Variants in PHF2 observed in about 807,000 individuals in gnomAD.
The protein encoded by PHF2 is lysine-specific demethylase PHF2.
PHF2 carries 27 observed loss-of-function variants against 120.5 expected under a neutral mutation model. That is an observed-to-expected ratio of 0.22 (90% CI 0.17 to 0.31). The LOEUF is 0.31. Among genes scored for constraint, PHF2 ranks in the 10% least tolerant of loss-of-function variants. The pLI, the probability that PHF2 is intolerant of heterozygous loss-of-function variation, is 1.00. For synonymous variants in PHF2, 568 were observed against 592.5 expected, an observed-to-expected ratio of 0.96 and a Z score of 0.60; for missense variants, 1,024 against 1,434.8, an observed-to-expected ratio of 0.71 and a Z score of 4.63.
Position 93,671,239 on chromosome 9 carries a change from G to A in PHF2, c.2349-2346G>A, listed in dbSNP as rs934362671. ...GTGTAGTTGCAGGTGTGTGGGAGTAGGCACAGGTGTAGATGCAGGTGCGGG... is the reference window on the plus strand; with the variant it reads ...GTGTAGTTGCAGGTGTGTGGGAGTAAGCACAGGTGTAGATGCAGGTGCGGG... On this transcript the variant is annotated intron_variant, in intron 17 of 21. Transcript: ENST00000359246. The A allele has an allele frequency of 2.0e-4, 193 of 949,466 alleles. 12 individuals are homozygous for A. The highest frequency in any genetic ancestry group is 1.0e-3 in the Admixed American group (16 of 15,312). The allele number at this position is 949,466 out of a possible 1,614,324, so 58.8% of individuals were successfully genotyped here.
chr9:93,665,907 C>A, intron 15 of PHF2, 43 bp downstream of exon 15: 1 of 1,612,244 alleles, frequency 6.2e-7, no homozygotes, highest in Non-Finnish European at 8.5e-7. Flanking sequence ...TGGGAGAGGC[C>A]CATCCTGCCC....
At chr9:93,621,284 G>T (rs1825821708) in intron 1 of PHF2, among the ~76,000 whole-genome samples, 1 of 152,264 alleles carries the variant, frequency 6.6e-6, no homozygotes, top group Non-Finnish European at 1.5e-5. Flanking sequence ...GGTGGTGAGG[G>T]GGTGCTGAGG....
At chr9:93,594,096 C>G (rs1825285037) in intron 1 of PHF2, among the ~76,000 whole-genome samples, 1 of 152,186 alleles carries the variant, frequency 6.6e-6, no homozygotes, top group African/African-American at 2.4e-5. Context: ...GCAATTGGCC[C>G]CAGGCCTCCC....
Position 93,656,046 on chromosome 9 carries a change from C to T in PHF2, c.1040+25C>T. The T allele has an allele frequency of 6.3e-7, 1 of 1,593,840 alleles. No individual in the cohort carries two copies. Among genetic ancestry groups the T allele is most frequent in the Non-Finnish European group, 8.6e-7 (1 of 1,167,118 alleles). On this transcript the variant is annotated intron_variant, in intron 8 of 21. Coordinates refer to ENST00000359246, the MANE Select transcript of PHF2 (RefSeq NM_005392.4). This position sits in a 1 kb window ranked among gnomAD's most constrained non-coding sequence, Gnocchi z 4.1. ...GGTAGTGCCTGCCGCGCTGTCTGCC[C>T]TCGGGCTCCGCAGAGCAGCGTCCTC... is the stretch of plus-strand genomic sequence containing the variant.
rs956429427 is a variant in PHF2, at chr9:93,656,534, G to C, written c.1086G>C (p.Gln362His). 4.3e-6 allele frequency: 7 copies of C among 1,613,818 alleles called. No homozygotes were observed. In the African/African-American group the frequency reaches 9.3e-5, roughly 22 times the overall value. ...ERRLKLGSLT[Q>H]FPNFETACWY... ...GGTTGAAACTGGGCAGCCTGACTCA[G>C]TTTCCCAACTTTGAAACTGCGTGCT... Residue 362 changes from glutamine to histidine, a missense_variant, in exon 9 of 22, where the codon CAG (glutamine) becomes CAC (histidine). Physicochemically the swap from Gln to His is conservative, Grantham distance 24. Coordinates refer to ENST00000359246, the MANE Select transcript of PHF2 (RefSeq NM_005392.4). This position sits in a 1 kb window ranked among gnomAD's most constrained non-coding sequence, Gnocchi z 4.1.
At chr9:93,655,427 T>A (rs1328284296) in intron 7 of PHF2, among the ~76,000 whole-genome samples, 1 of 152,186 alleles carries the variant, frequency 6.6e-6, no homozygotes, top group Non-Finnish European at 1.5e-5. Flanking sequence ...AGTTGTGGAT[T>A]TCCCAGGGTC....
chr9:93,624,826 GTGA>G (rs1199253164), intron 1 of PHF2, among the ~76,000 whole-genome samples: 87 of 150,924 alleles, frequency 5.8e-4, no homozygotes, highest in African/African-American at 1.5e-3. Context: ...GATGATGATG[GTGA>G]TGATGATGAT....
chr9:93,610,115 A>C lies in PHF2; in HGVS notation c.99-19855A>C, dbSNP rs113805186. Among the ~76,000 whole-genome samples the C allele has an allele frequency of 8.8e-3, 1,331 of 151,554 alleles. 9 individuals are homozygous for C. Among genetic ancestry groups the C allele is most frequent in the Non-Finnish European group, 0.015 (993 of 67,900 alleles). On this transcript the variant is annotated intron_variant, in intron 1 of 21. Transcript: ENST00000359246. ...CTTATATCCTGCTTGGTATCTTTTG[A>C]GCTTCCTGGATCTGTGGTTTGCTTG... is the stretch of plus-strand genomic sequence containing the variant.
At chr9:93,645,921 A>T in intron 4 of PHF2, 132 bp downstream of exon 4, 13 of 1,016,150 alleles carry the variant, frequency 1.3e-5, no homozygotes, top group Non-Finnish European at 1.8e-5. Context: ...CTCAAGGCTC[A>T]CCGTACTCTG....
intron 17 of PHF2, among the ~76,000 whole-genome samples, chr9:93,668,482 C>A (rs1401309396): frequency 6.6e-6 from 1 of 152,020 alleles, no homozygotes; most frequent in Non-Finnish European, 1.5e-5. Flanking sequence ...TCCCGAGGTC[C>A]ATGGAGAGGC....
Position 93,645,671 on chromosome 9 carries a change from G to T in PHF2, c.342G>T (p.Thr114=), listed in dbSNP as rs35505758. Reference sequence around the variant, plus strand: ...CCCGTGTGCCAGGAAGTCAGCTCACGCTGGGCTACATGGAGGAGCACGGCT... The same window carrying T: ...CCCGTGTGCCAGGAAGTCAGCTCACTCTGGGCTACATGGAGGAGCACGGCT... The part of the protein sequence containing the change: ...VVARVPGSQL[T]LGYMEEHGFT... The change falls in exon 4 of 22, where the codon ACG becomes ACT. Residue 114 remains threonine, a synonymous_variant. Transcript: ENST00000359246. 8.7e-6 allele frequency: 14 copies of T among 1,611,414 alleles called. No homozygotes were observed. The South Asian group carries it at 1.5e-4, about 18-fold the overall frequency.
intron 17 of PHF2, among the ~76,000 whole-genome samples, chr9:93,669,269 G>C (rs1587719369): frequency 6.6e-6 from 1 of 152,326 alleles, no homozygotes; most frequent in South Asian, 2.1e-4. Flanking sequence ...TTGAGGGGTC[G>C]GGGCAGGGCC....
At chr9:93,601,140 A>G (rs1330059995) in intron 1 of PHF2, among the ~76,000 whole-genome samples, 1 of 152,208 alleles carries the variant, frequency 6.6e-6, no homozygotes, top group Non-Finnish European at 1.5e-5. Context: ...AAGGCATATT[A>G]TCCTTACTTC....
In PHF2 at chr9:93,660,260, C is replaced by T; in HGVS notation, c.1398C>T (p.Asp466=). Residue 466 remains aspartate (D), a synonymous_variant, in exon 12 of 22, where the codon GAC becomes GAT. Coordinates refer to ENST00000359246, the MANE Select transcript of PHF2 (RefSeq NM_005392.4). The part of the protein sequence containing the change: ...VASSDEVCDG[D]REKEEPPSPI... ...CGTCAGATGAGGTGTGTGACGGGGA[C>T]CGGGAGAAGGAGGAGCCCCCGTCTC... 1 of 1,608,702 alleles carries T rather than the reference C, an allele frequency of 6.2e-7. No individual in the cohort carries two copies. The highest frequency in any genetic ancestry group is 8.5e-7 in the Non-Finnish European group (1 of 1,178,398).
intron 1 of PHF2, among the ~76,000 whole-genome samples, chr9:93,604,647 G>A (rs1351836830): frequency 6.6e-6 from 1 of 151,926 alleles, no homozygotes; most frequent in African/African-American, 2.4e-5. Flanking sequence ...TGTATTTTTA[G>A]TAGAGACAGG....
rs1191316769 is a variant in PHF2 at position 93,667,184 on chromosome 9, C to A, written c.2292C>A (p.Ile764=). 6.2e-7 allele frequency: 1 copy of A among 1,612,898 alleles called. No individual in the cohort carries two copies. Among genetic ancestry groups the A allele is most frequent in the Non-Finnish European group, 8.5e-7 (1 of 1,179,916 alleles). ...KKESGSSAAG[I]LDLLQASEEV... is the part of the protein sequence containing the mutation. ...AGAGTGGGAGCTCGGCAGCTGGCATCTTGGACCTGCTGCAGGCCAGTGAGG... is the reference window on the plus strand; with the variant it reads ...AGAGTGGGAGCTCGGCAGCTGGCATATTGGACCTGCTGCAGGCCAGTGAGG... Residue 764 remains isoleucine (I), a synonymous_variant, in exon 17 of 22, where the codon ATC becomes ATA. Coordinates refer to ENST00000359246, the MANE Select transcript of PHF2 (RefSeq NM_005392.4).
chr9:93,648,960 C>T, intron 4 of PHF2, 111 bp from the exon 5 acceptor site: 2 of 1,251,524 alleles, frequency 1.6e-6, no homozygotes, highest in South Asian at 2.8e-5. Flanking sequence ...CCTGGCAGCT[C>T]CTGCTGTGTG....
intron 10 of PHF2, 27 bp downstream of exon 10, chr9:93,658,263 G>A: frequency 6.4e-7 from 1 of 1,570,512 alleles, no homozygotes; most frequent in Non-Finnish European, 8.7e-7. Flanking sequence ...AAATGCCCTA[G>A]GGCAGGAGAG....
intron 12 of PHF2, among the ~76,000 whole-genome samples, chr9:93,662,253 TGATC>T (rs1392554983): frequency 6.7e-6 from 1 of 150,124 alleles, no homozygotes; most frequent in African/African-American, 2.5e-5. Flanking sequence ...GTGAATGGAC[TGATC>T]GATGGATAAA....
Sources: allele counts gnomAD v4.1 joint callset (sites outside exome capture counted in the v4.1 genomes callset), GRCh38; gene constraint gnomAD v4.1.1; non-coding constraint Gnocchi (gnomAD v3.1); transcripts MANE v1.5; gene names NCBI Gene and HGNC (gene_info 2026-07-23, HGNC 2026-07-21).